Variants in LOC128462377 observed in about 807,000 individuals in gnomAD.
chr16:89,363,993 G>C, the LOC128462377 span, among the ~76,000 whole-genome samples: 1 of 152,098 alleles, frequency 6.6e-6, no homozygotes, highest in African/African-American at 2.4e-5. Flanking sequence ...CCGGGAGTTG[G>C]AGGGTGTGGT....
At chr16:89,321,712 AAG>A in the LOC128462377 span, among the ~76,000 whole-genome samples, 2 of 152,164 alleles carry the variant, frequency 1.3e-5, no homozygotes, top group Non-Finnish European at 2.9e-5. Flanking sequence ...GAAAAAAAAA[AAG>A]ACTTCTTTGG....
chr16:89,320,745 A>G, the LOC128462377 span, among the ~76,000 whole-genome samples: 1 of 152,072 alleles, frequency 6.6e-6, no homozygotes, highest in African/African-American at 2.4e-5. Context: ...ATAAGACACA[A>G]CTCAGCCCAG....
At chr16:89,411,064 G>A in the LOC128462377 span, among the ~76,000 whole-genome samples, 1 of 151,932 alleles carries the variant, frequency 6.6e-6, no homozygotes, top group Non-Finnish European at 1.5e-5. Flanking sequence ...CAGAGGGAGG[G>A]GCGGCCAGTG....
chr16:89,395,139 C>T, the LOC128462377 span, among the ~76,000 whole-genome samples: 4 of 152,368 alleles, frequency 2.6e-5, no homozygotes, highest in Admixed American at 2.6e-4. Context: ...GAACAGGCAA[C>T]ACCACCACTC....
chr16:89,379,529 CCAGA>C, the LOC128462377 span, among the ~76,000 whole-genome samples: 2 of 152,162 alleles, frequency 1.3e-5, no homozygotes, highest in African/African-American at 2.4e-5. Context: ...GCTCTGTCGC[CCAGA>C]CAGAGCTCAG....
At chr16:89,389,120 G>T in the LOC128462377 span, among the ~76,000 whole-genome samples, 1 of 152,054 alleles carries the variant, frequency 6.6e-6, no homozygotes, top group Non-Finnish European at 1.5e-5. Flanking sequence ...CAGGGCTCAG[G>T]CAATCCTCCC....
the LOC128462377 span, among the ~76,000 whole-genome samples, chr16:89,361,924 A>G: frequency 3.9e-5 from 6 of 152,206 alleles, no homozygotes; most frequent in African/African-American, 1.4e-4. Flanking sequence ...CGGGGCAGCA[A>G]TGGGGTATGA....
the LOC128462377 span, among the ~76,000 whole-genome samples, chr16:89,393,529 C>T: frequency 1.4e-5 from 2 of 139,956 alleles, no homozygotes. Flanking sequence ...TAAATAGAGA[C>T]GGGGTTTCAC....
the LOC128462377 span, among the ~76,000 whole-genome samples, chr16:89,416,481 T>C: frequency 1.4e-4 from 22 of 152,144 alleles, no homozygotes; most frequent in African/African-American, 5.1e-4. Flanking sequence ...ACATTTTTAA[T>C]AGAGATGGGG....
the LOC128462377 span, among the ~76,000 whole-genome samples, chr16:89,379,131 T>A: frequency 8.2e-3 from 1,255 of 152,290 alleles, 15 homozygotes; most frequent in African/African-American, 0.029. Flanking sequence ...CACTGGCTTC[T>A]AGAAGGTGGG....
At chr16:89,381,237 CAGG>C in the LOC128462377 span, among the ~76,000 whole-genome samples, 1 of 149,744 alleles carries the variant, frequency 6.7e-6, no homozygotes, top group Non-Finnish European at 1.5e-5. Context: ...GAGGCTGAGG[CAGG>C]AGAATTGCTT....
At chr16:89,351,828 A>G in the LOC128462377 span, among the ~76,000 whole-genome samples, 3 of 152,208 alleles carry the variant, frequency 2.0e-5, no homozygotes, top group Non-Finnish European at 4.4e-5. Flanking sequence ...TGGTGGTTGA[A>G]CAGACCCGTG....
At chr16:89,404,982 A>C in the LOC128462377 span, among the ~76,000 whole-genome samples, 1 of 152,222 alleles carries the variant, frequency 6.6e-6, no homozygotes, top group African/African-American at 2.4e-5. Context: ...AATAAAACTG[A>C]AATCAGACTT....
chr16:89,387,796 G>A, the LOC128462377 span, among the ~76,000 whole-genome samples: 2 of 150,372 alleles, frequency 1.3e-5, no homozygotes, highest in African/African-American at 4.9e-5. Flanking sequence ...TGAGGTCAGG[G>A]GTTCAAGACC....
the LOC128462377 span, among the ~76,000 whole-genome samples, chr16:89,417,546 CAGG>C: frequency 4.6e-5 from 7 of 152,286 alleles, no homozygotes; most frequent in South Asian, 2.1e-4. Flanking sequence ...CAGTGACTCC[CAGG>C]AGGAGGCAAG....
the LOC128462377 span, among the ~76,000 whole-genome samples, chr16:89,341,418 C>T: frequency 0.01 from 1,594 of 152,346 alleles, 22 homozygotes; most frequent in African/African-American, 0.036. Flanking sequence ...CCAACGTGAA[C>T]AGACCCCACC....
the LOC128462377 span, among the ~76,000 whole-genome samples, chr16:89,333,907 A>T: frequency 2.0e-5 from 3 of 152,134 alleles, no homozygotes; most frequent in Non-Finnish European, 1.5e-5. Context: ...GAACAGAGAG[A>T]TAAACTACTT....
chr16:89,337,007 CAAAAAAAAAAAAAAAAA>C, the LOC128462377 span, among the ~76,000 whole-genome samples: 1 of 47,730 alleles, frequency 2.1e-5, no homozygotes, highest in African/African-American at 8.0e-5. Flanking sequence ...CTGGCTCTAC[CAAAAAAAAAAAAAAAAA>C]AAAAAAAAAA....
chr16:89,375,688 C>G, the LOC128462377 span, among the ~76,000 whole-genome samples: 2 of 149,386 alleles, frequency 1.3e-5, no homozygotes, highest in Admixed American at 1.4e-4. Context: ...CTCCTGACCT[C>G]AAGTGATCCG....
Sources: gnomAD v4.1 joint callset for allele counts (sites outside exome capture counted in the v4.1 genomes callset) on GRCh38, gnomAD v4.1.1 for gene constraint, MANE v1.5 for transcripts.